The following FRAS1 variants were observed in gnomAD, a reference collection of about 807,000 sequenced individuals.
FRAS1 encodes extracellular matrix organizing protein FRAS1.
FRAS1 carries 290 observed loss-of-function variants against 435.2 expected under a neutral mutation model. The observed-to-expected ratio is 0.67, with a 90% CI of 0.61 to 0.73. The LOEUF is 0.73. Ranked by LOEUF, FRAS1 falls within the 30% of genes least tolerant of loss-of-function variation. The probability of loss-of-function intolerance (pLI) is 0.00; values close to 1 mark genes in which losing one functional copy is unlikely to be tolerated. For missense variants in FRAS1, 4,860 were observed against 5,001.5 expected, an observed-to-expected ratio of 0.97 and a Z score of 0.85; for synonymous variants, 1,800 against 1,851.0, an observed-to-expected ratio of 0.97 and a Z score of 0.71.
chr4:78,447,770 G>A (rs1474986235), intron 43 of FRAS1, among the ~76,000 whole-genome samples: 1 of 152,136 alleles, frequency 6.6e-6, no homozygotes, highest in African/African-American at 2.4e-5. Context: ...TTCATGGAGG[G>A]AGATATGATT....
At chr4:78,300,163 A>C (rs1728319261) in intron 14 of FRAS1, among the ~76,000 whole-genome samples, 1 of 152,198 alleles carries the variant, frequency 6.6e-6, no homozygotes, top group Non-Finnish European at 1.5e-5. Flanking sequence ...GGCAGATTTC[A>C]TGCATGTTAA....
intron 2 of FRAS1, among the ~76,000 whole-genome samples, chr4:78,218,734 C>A (rs1243740043): frequency 6.6e-6 from 1 of 152,174 alleles, no homozygotes; most frequent in Non-Finnish European, 1.5e-5. Flanking sequence ...GTTCCAAACC[C>A]AGAGCCACCC....
intron 2 of FRAS1, among the ~76,000 whole-genome samples, chr4:78,162,569 CA>C (rs1169058417): frequency 6.6e-6 from 1 of 152,128 alleles, no homozygotes; most frequent in Non-Finnish European, 1.5e-5. Context: ...TAAATGTTTG[CA>C]AAAACACAAA....
Position 78,499,985 on chromosome 4 carries a change from G to C in FRAS1, c.9316+64G>C, listed in dbSNP as rs1720628155. On this transcript the variant is annotated intron_variant, in intron 61 of 73. Coordinates refer to ENST00000512123, the MANE Select transcript of FRAS1 (RefSeq NM_025074.7). ...ATAGAGGGGCAAAAATCTTGTATTTGAAGAAAGGAATAAACAGATAAATGA... is the reference window on the plus strand; with the variant it reads ...ATAGAGGGGCAAAAATCTTGTATTTCAAGAAAGGAATAAACAGATAAATGA... 5.4e-6 allele frequency: 7 copies of C among 1,284,758 alleles called. No homozygotes were observed. The South Asian group carries it at 1.0e-4, about 19-fold the overall frequency. 79.6% of individuals were successfully genotyped at this position (1,284,758 alleles called of 1,614,324 possible).
intron 61 of FRAS1, among the ~76,000 whole-genome samples, chr4:78,504,843 G>A (rs1392055736): frequency 6.6e-6 from 1 of 152,216 alleles, no homozygotes; most frequent in African/African-American, 2.4e-5. Flanking sequence ...AATTTGGCAT[G>A]TTTTTGCAGT....
intron 2 of FRAS1, among the ~76,000 whole-genome samples, chr4:78,123,533 T>A (rs929509512): frequency 1.1e-4 from 17 of 152,220 alleles, no homozygotes; most frequent in African/African-American, 4.1e-4. Context: ...GGTAGCTTGA[T>A]GGGAATAGCA....
In FRAS1 at chr4:78,537,873, G is replaced by A. The variant is rs150247665; in HGVS notation, c.11298+673G>A. Among the ~76,000 whole-genome samples the A allele has an allele frequency of 2.7e-4, 41 of 151,528 alleles. No homozygotes were observed. In the East Asian group the frequency reaches 7.9e-3, roughly 29 times the overall value. ...AGGTGAGAAAATCACTTGAGACTGGGAGGTCAAGGATGCAGTGAGCCAAGA... is the reference window on the plus strand; with the variant it reads ...AGGTGAGAAAATCACTTGAGACTGGAAGGTCAAGGATGCAGTGAGCCAAGA... On this transcript the variant is annotated intron_variant, in intron 72 of 73. Transcript: ENST00000512123.
At chr4:78,122,454 TATC>T (rs1578138805) in intron 2 of FRAS1, among the ~76,000 whole-genome samples, 1 of 152,208 alleles carries the variant, frequency 6.6e-6, no homozygotes, top group African/African-American at 2.4e-5. Context: ...CATGTGTCTT[TATC>T]ATAGACTGAT....
At chr4:78,472,352 A>T in intron 52 of FRAS1, 22 bp downstream of exon 52, 1 of 1,563,112 alleles carries the variant, frequency 6.4e-7, no homozygotes, top group Non-Finnish European at 8.7e-7. Flanking sequence ...CTGGGAACTT[A>T]GAAATGGGAG....
chr4:78,367,725 A>C (rs1843118), intron 22 of FRAS1, among the ~76,000 whole-genome samples: 48 of 151,854 alleles, frequency 3.2e-4, no homozygotes, highest in Non-Finnish European at 5.3e-4. Context: ...TAAATGCGGG[A>C]CTTTTCTTAG....
At chr4:78,412,920 C>T (rs995561516) in intron 31 of FRAS1, 49 bp from the exon 32 acceptor site, 3 of 1,185,590 alleles carry the variant, frequency 2.5e-6, no homozygotes, top group East Asian at 2.7e-5. Context: ...TACTAACATG[C>T]TCTGCTCAAT....
chr4:78,395,661 T>C (rs1389620169), intron 29 of FRAS1, among the ~76,000 whole-genome samples: 20 of 152,076 alleles, frequency 1.3e-4, no homozygotes, highest in Admixed American at 1.3e-3. Context: ...TTGCCTGATA[T>C]AAATATAGGC....
intron 2 of FRAS1, among the ~76,000 whole-genome samples, chr4:78,124,434 C>CT (rs751155801): frequency 6.6e-6 from 1 of 152,112 alleles, no homozygotes; most frequent in Non-Finnish European, 1.5e-5. Flanking sequence ...CTAAAATTCT[C>CT]TTTTTTTGTT....
chr4:78,204,962 C>T (rs1162564673), intron 2 of FRAS1, among the ~76,000 whole-genome samples: 12 of 152,114 alleles, frequency 7.9e-5, no homozygotes, highest in East Asian at 1.9e-4. Context: ...AGACTCTGCT[C>T]AGGAAGTCCC....
At chr4:78,316,659 C>A (rs1480924029) in intron 16 of FRAS1, among the ~76,000 whole-genome samples, 1 of 152,104 alleles carries the variant, frequency 6.6e-6, no homozygotes, top group South Asian at 2.1e-4. Context: ...AGAGATGTCC[C>A]CATTAACACC....
intron 44 of FRAS1, among the ~76,000 whole-genome samples, chr4:78,448,678 A>G (rs1008048520): frequency 6.6e-6 from 1 of 152,204 alleles, no homozygotes. Context: ...ACAAATAACG[A>G]AATATAGCAG....
At chr4:78,363,394 A>G in intron 20 of FRAS1, 119 bp from the exon 21 acceptor site, 1 of 988,706 alleles carries the variant, frequency 1.0e-6, no homozygotes, top group Non-Finnish European at 1.4e-6. Flanking sequence ...CCTTTGGGCT[A>G]CTCTCCAGCT....
chr4:78,538,459 G>C (rs2109909344), intron 72 of FRAS1, among the ~76,000 whole-genome samples: 1 of 152,288 alleles, frequency 6.6e-6, no homozygotes, highest in South Asian at 2.1e-4. Flanking sequence ...TGGGTTCCCA[G>C]AGTTAGTGTA....
intron 2 of FRAS1, among the ~76,000 whole-genome samples, chr4:78,112,474 T>A (rs182557383): frequency 3.2e-4 from 49 of 152,240 alleles, no homozygotes. Flanking sequence ...ATAACTTTTT[T>A]TGAGGTCCCT....
Sources: allele counts gnomAD v4.1 joint callset (sites outside exome capture counted in the v4.1 genomes callset), GRCh38; gene constraint gnomAD v4.1.1; transcripts MANE v1.5; gene names NCBI Gene and HGNC (gene_info 2026-07-23, HGNC 2026-07-21).